The following CNOT1 variants were observed in gnomAD, a reference collection of about 807,000 sequenced individuals.
The protein encoded by CNOT1 is CCR4-NOT transcription complex subunit 1.
A neutral mutation model predicts 273.8 loss-of-function variants in CNOT1; 15 were observed. The ratio of observed to expected loss-of-function variants is 0.05; its 90% CI spans 0.04 to 0.08. The LOEUF (loss-of-function observed/expected upper bound fraction) is 0.08. Among genes scored for constraint, CNOT1 ranks in the 10% least tolerant of loss-of-function variants. CNOT1 has a pLI of 1.00. For missense variants in CNOT1, 1,644 were observed against 2,912.2 expected, an observed-to-expected ratio of 0.56 and a Z score of 10.02; for synonymous variants, 1,022 against 1,005.5, an observed-to-expected ratio of 1.02 and a Z score of -0.31.
chr16:58,559,866 G>A, intron 17 of CNOT1: 1 of 551,894 alleles, frequency 1.8e-6, no homozygotes, highest in Non-Finnish European at 3.5e-6. Flanking sequence ...AAGTCGTTAT[G>A]CTCTAGCACT....
In CNOT1 at chr16:58,523,408, T is replaced by C; in HGVS notation, c.6879A>G (p.Ala2293=). Residue 2293 remains alanine, a synonymous_variant, in exon 47 of 49, where the codon GCA becomes GCG. Coordinates refer to ENST00000317147, the MANE Select transcript of CNOT1 (RefSeq NM_016284.5). ...CTTGGATGGCTTCCGTATTGGCCTC[T>C]GCAAAAAGGTACAGCATGGTGCAAC... is the stretch of plus-strand genomic sequence containing the variant. The part of the protein sequence containing the change: ...YFSCTMLYLF[A]EANTEAIQEQ... 6.2e-7 allele frequency: 1 copy of C among 1,614,010 alleles called. No individual in the cohort carries two copies. Among genetic ancestry groups the C allele is most frequent in the Non-Finnish European group, 8.5e-7 (1 of 1,179,904 alleles).
chr16:58,624,785 A>AAG (rs1455856391), intron 1 of CNOT1: 1 of 152,236 alleles, frequency 6.6e-6, no homozygotes, highest in Non-Finnish European at 1.5e-5. Context: ...GCAACAGAGC[A>AAG]AGACTCCATC....
intron 1 of CNOT1, among the ~76,000 whole-genome samples, chr16:58,615,527 C>T (rs1549606): frequency 0.6 from 74,058 of 122,698 alleles, 30,086 homozygotes; most frequent in African/African-American, 0.79. Context: ...AGATGACAGA[C>T]GAAGGGAGAC....
At chr16:58,537,311 C>T in intron 38 of CNOT1, 91 bp from the exon 39 acceptor site, 3 of 1,491,934 alleles carry the variant, frequency 2.0e-6, no homozygotes, top group Non-Finnish European at 1.8e-6. Flanking sequence ...TTAACAGCAA[C>T]CACCAGAGTG....
intron 12 of CNOT1, among the ~76,000 whole-genome samples, chr16:58,579,634 A>G (rs2041585477): frequency 6.6e-6 from 1 of 152,234 alleles, no homozygotes; most frequent in African/African-American, 2.4e-5. Context: ...TATTTGATCA[A>G]TAACAGAAAT....
chr16:58,550,045 C>T lies in CNOT1; in HGVS notation c.3343-147G>A, dbSNP rs959651059. ...GACTTTCCTTCACACCAGATAGATGCTATGAAGAAAAGTATGCTCAATTCC... is the reference window on the plus strand; with the variant it reads ...GACTTTCCTTCACACCAGATAGATGTTATGAAGAAAAGTATGCTCAATTCC... On this transcript the variant is annotated intron_variant, in intron 24 of 48. Coordinates refer to ENST00000317147, the MANE Select transcript of CNOT1 (RefSeq NM_016284.5). The T allele has an allele frequency of 4.7e-6, 6 of 1,267,682 alleles. No individual in the cohort carries two copies. In the African/African-American group the frequency reaches 6.2e-5, roughly 13 times the overall value. The allele number at this position is 1,267,682 out of a possible 1,614,324, so 78.5% of individuals were successfully genotyped here.
rs762250421 is a variant in CNOT1 at position 58,532,285 on chromosome 16, A to G, written c.6006T>C (p.Asn2002=). 28 of 1,614,086 alleles carry G rather than the reference A, an allele frequency of 1.7e-5. No individual in the cohort carries two copies. The Middle Eastern group carries it at 4.9e-4, about 28-fold the overall frequency. ...TGGTTTCCAACACATGCTCAGGTGC[A>G]TTGAGTTCCAAGAGAAGCATGATAA... is the stretch of plus-strand genomic sequence containing the variant. ...RIFIMLLLEL[N]APEHVLETIN... is the part of the protein sequence containing the mutation. The change falls in exon 41 of 49, where the codon AAT becomes AAC. Residue 2002 remains asparagine (N), a synonymous_variant. Transcript: ENST00000317147.
intron 7 of CNOT1, among the ~76,000 whole-genome samples, chr16:58,585,791 C>T (rs1006398245): frequency 4.6e-5 from 7 of 152,154 alleles, no homozygotes; most frequent in Admixed American, 4.6e-4. Context: ...TAAATTTGCA[C>T]AATAGGGCTA....
intron 47 of CNOT1, 88 bp downstream of exon 47, chr16:58,523,282 C>T: frequency 7.3e-7 from 1 of 1,362,892 alleles, no homozygotes; most frequent in Non-Finnish European, 9.9e-7. Flanking sequence ...CGGATTTTCA[C>T]TGAACACTGA....
chr16:58,581,658 T>C, intron 10 of CNOT1, 143 bp from the exon 11 acceptor site: 1 of 1,325,512 alleles, frequency 7.5e-7, no homozygotes, highest in African/African-American at 1.5e-5. Flanking sequence ...AACCCATTCT[T>C]TTTTTTTCTT....
chr16:58,536,940 C>T, intron 39 of CNOT1, 49 bp downstream of exon 39: 2 of 1,598,374 alleles, frequency 1.3e-6, no homozygotes, highest in Non-Finnish European at 1.7e-6. Flanking sequence ...GGAGGCATCA[C>T]ACCCTACTTA....
At chr16:58,523,901 A>G (rs1270524652) in intron 46 of CNOT1, 3 of 167,440 alleles carry the variant, frequency 1.8e-5, no homozygotes, top group South Asian at 3.1e-4. Flanking sequence ...GAGAAATTCA[A>G]CTGTACACTC....
chr16:58,525,921 C>T, intron 45 of CNOT1, 68 bp downstream of exon 45: 1 of 1,364,670 alleles, frequency 7.3e-7, no homozygotes, highest in Non-Finnish European at 1.0e-6. Flanking sequence ...ATGGACCACA[C>T]ACAGGACCAT....
At chr16:58,576,703 T>G (rs1363036575) in intron 13 of CNOT1, 121 bp from the exon 14 acceptor site, 4 of 1,448,196 alleles carry the variant, frequency 2.8e-6, no homozygotes, top group Non-Finnish European at 2.8e-6. Context: ...GTGCTGACAT[T>G]AAGTTCAGGC....
At position 58,555,631 on chromosome 16, in the gene CNOT1, C is replaced by T. The variant is rs535810438; in HGVS notation, c.2605-94G>A. Reference sequence around the variant, plus strand: ...CTTAACAAAAGACTATTAAGTAGAACATTTACCAAAAGAGCTTGAGACAAA... The same window carrying T: ...CTTAACAAAAGACTATTAAGTAGAATATTTACCAAAAGAGCTTGAGACAAA... On this transcript the variant is annotated intron_variant, in intron 20 of 48. Coordinates refer to ENST00000317147, the MANE Select transcript of CNOT1 (RefSeq NM_016284.5). The T allele has an allele frequency of 5.2e-6, 8 of 1,540,554 alleles. No individual in the cohort carries two copies. In the East Asian group the frequency reaches 9.0e-5, roughly 17 times the overall value.
chr16:58,546,506 G>T lies in CNOT1; in HGVS notation c.3829-8C>A. The T allele has an allele frequency of 2.5e-6, 4 of 1,606,846 alleles. No homozygotes were observed. The highest frequency in any genetic ancestry group is 3.4e-6 in the Non-Finnish European group (4 of 1,178,078). ...TTCAAACTTCAAGTTTAACTGCACA[G>T]TTCCAGAGTTGGATTAGAATTTTTA... On this transcript the variant is annotated splice_region_variant and splice_polypyrimidine_tract_variant and intron_variant, in intron 28 of 48. Transcript: ENST00000317147.
intron 12 of CNOT1, among the ~76,000 whole-genome samples, chr16:58,580,303 TAAA>T (rs56040745): frequency 7.3e-6 from 1 of 137,824 alleles, no homozygotes; most frequent in Admixed American, 7.3e-5. Context: ...AACTTACAAA[TAAA>T]AAAAAAAAAA....
chr16:58,572,010 G>A (rs1044184724), intron 16 of CNOT1, among the ~76,000 whole-genome samples: 14 of 151,970 alleles, frequency 9.2e-5, no homozygotes, highest in Admixed American at 5.2e-4. Context: ...TGGGCTGGGC[G>A]TGGTGGTTCA....
intron 16 of CNOT1, among the ~76,000 whole-genome samples, chr16:58,571,346 A>G (rs538127323): frequency 1.3e-5 from 2 of 152,140 alleles, no homozygotes; most frequent in South Asian, 4.1e-4. Context: ...ACCTGAGGTC[A>G]GGAGTTCAAG....
Sources: gnomAD v4.1 joint callset for allele counts (sites outside exome capture counted in the v4.1 genomes callset) on GRCh38, gnomAD v4.1.1 for gene constraint, MANE v1.5 for transcripts, NCBI Gene and HGNC (gene_info 2026-07-23, HGNC 2026-07-21) for gene names.